The following BCAS3 variants were observed in gnomAD, a reference collection of about 807,000 sequenced individuals.
The protein encoded by BCAS3 is BCAS3 microtubule associated cell migration factor.
Under a neutral mutation model 116.1 loss-of-function variants are expected in BCAS3, and 53 were observed. The observed-to-expected ratio is 0.46, with a 90% confidence interval of 0.37 to 0.57. The LOEUF (loss-of-function observed/expected upper bound fraction) is 0.57. Ranked by LOEUF, BCAS3 falls within the 20% of genes least tolerant of loss-of-function variation. The pLI is 0.00. For synonymous variants in BCAS3, 391 were observed against 408.2 expected (o/e 0.96, Z 0.51); for missense variants, 917 against 1,165.4 (o/e 0.79, Z 3.10).
intron 6 of BCAS3, among the ~76,000 whole-genome samples, chr17:60,766,103 T>C (rs2044067284): frequency 6.6e-6 from 1 of 152,146 alleles, no homozygotes. Flanking sequence ...TTTTTCAAGG[T>C]TTTTAGCTTC....
At chr17:61,135,183 G>T (rs942108715) in intron 22 of BCAS3, among the ~76,000 whole-genome samples, 3 of 152,146 alleles carry the variant, frequency 2.0e-5, no homozygotes, top group African/African-American at 7.2e-5. Flanking sequence ...AAATGGTACA[G>T]ACTTGGTTTC....
intron 19 of BCAS3, among the ~76,000 whole-genome samples, chr17:61,049,793 C>T (rs1183398918): frequency 1.3e-4 from 19 of 142,426 alleles, no homozygotes; most frequent in Non-Finnish European, 2.7e-4. Context: ...AGTGCAATGG[C>T]GTGATCTCAG....
Position 61,309,242 on chromosome 17 carries a change from A to G in BCAS3, c.2426-59085A>G, listed in dbSNP as rs2054101017. Reference sequence around the variant, plus strand: ...AGATAACTCTCTACGTGATTTGCAAACACCTCAAAATTGTCAAGATGGAAA... The same window carrying G: ...AGATAACTCTCTACGTGATTTGCAAGCACCTCAAAATTGTCAAGATGGAAA... On this transcript the variant is annotated intron_variant, in intron 22 of 23. Transcript: ENST00000407086. The surrounding 1 kb of genome is among the most constrained non-coding windows in gnomAD (Gnocchi z 4.6). Among the ~76,000 whole-genome samples the G allele has an allele frequency of 6.6e-6, 1 of 152,166 alleles. No individual in the cohort carries two copies. The highest frequency in any genetic ancestry group is 1.5e-5 in the Non-Finnish European group (1 of 68,024).
rs2055609437 is a variant in BCAS3 at position 61,324,975 on chromosome 17, A to G, written c.2426-43352A>G. 6.6e-6 allele frequency among the ~76,000 whole-genome samples: 1 copy of G among 152,228 alleles called. No individual in the cohort carries two copies. Among genetic ancestry groups the G allele is most frequent in the African/African-American group, 2.4e-5 (1 of 41,458 alleles). Reference sequence around the variant, plus strand: ...AGGAGAAAGAGGAAACAGTTTAAAAATTAAGTTAGAGAGTTCTTGCAAAGG... The same window carrying G: ...AGGAGAAAGAGGAAACAGTTTAAAAGTTAAGTTAGAGAGTTCTTGCAAAGG... On this transcript the variant is annotated intron_variant, in intron 22 of 23. Transcript: ENST00000407086. This position sits in a 1 kb window ranked among gnomAD's most constrained non-coding sequence, Gnocchi z 4.6.
intron 14 of BCAS3, among the ~76,000 whole-genome samples, chr17:60,977,153 C>T (rs1322285706): frequency 6.6e-6 from 1 of 152,032 alleles, no homozygotes; most frequent in Admixed American, 6.5e-5. Context: ...GCGGGGGCTG[C>T]CCCCCACGAA....
chr17:60,726,510 ATT>A (rs1157371227), intron 5 of BCAS3, among the ~76,000 whole-genome samples: 47 of 129,562 alleles, frequency 3.6e-4, no homozygotes, highest in African/African-American at 6.3e-4. Context: ...AGAGGGAGGA[ATT>A]TTTTTTTTTT....
intron 22 of BCAS3, among the ~76,000 whole-genome samples, chr17:61,250,123 C>T (rs554631644): frequency 6.6e-6 from 1 of 152,186 alleles, no homozygotes; most frequent in Non-Finnish European, 1.5e-5. Flanking sequence ...AAGTTCATAC[C>T]CTGGGCCCAG....
chr17:60,979,669 C>T (rs929014447), intron 14 of BCAS3, among the ~76,000 whole-genome samples: 9 of 151,380 alleles, frequency 5.9e-5, no homozygotes, highest in Non-Finnish European at 1.2e-4. Flanking sequence ...AAATACGTCC[C>T]ATCAATACCT....
intron 22 of BCAS3, among the ~76,000 whole-genome samples, chr17:61,312,192 C>T (rs1290416131): frequency 1.3e-5 from 2 of 152,112 alleles, no homozygotes; most frequent in East Asian, 3.9e-4. Flanking sequence ...TCCAACTCTC[C>T]ATAAGCAAGT....
At chr17:60,736,548 C>T (rs886818241) in intron 5 of BCAS3, among the ~76,000 whole-genome samples, 3 of 151,946 alleles carry the variant, frequency 2.0e-5, no homozygotes, top group African/African-American at 7.2e-5. Context: ...ATTTAGGAAG[C>T]ATTCTATATG....
intron 7 of BCAS3, among the ~76,000 whole-genome samples, chr17:60,809,494 G>GGGTTGGTT (rs755311925): frequency 6.6e-6 from 1 of 152,110 alleles, no homozygotes; most frequent in South Asian, 2.1e-4. Context: ...CCCTCTTCCA[G>GGGTTGGTT]GGTTGGTTGG....
intron 2 of BCAS3, among the ~76,000 whole-genome samples, chr17:60,680,856 A>G (rs1382433819): frequency 1.3e-5 from 2 of 152,150 alleles, no homozygotes; most frequent in Non-Finnish European, 2.9e-5. Context: ...CCATTTGGCC[A>G]GGCTGGTCTT....
rs1480596866 is a variant in BCAS3, at chr17:61,044,462, A to AT, written c.2029+3570_2029+3571insT. On this transcript the variant is annotated intron_variant, in intron 19 of 23. Coordinates refer to ENST00000407086, the MANE Select transcript of BCAS3 (RefSeq NM_017679.5). ...ACTCTGTCTCAAAAAAAAAAAAAAA[A>AT]AAAATATATATATATATGCCATAAG... Among the ~76,000 whole-genome samples, 51 of 139,338 alleles carry AT rather than the reference A, an allele frequency of 3.7e-4. 1 individual carries two copies. The highest frequency in any genetic ancestry group is 4.5e-4 in the Non-Finnish European group (29 of 65,042). The allele number at this position is 139,338 out of a possible 152,430, so 91.4% of individuals were successfully genotyped here.
rs935405687 is a variant in BCAS3 at position 61,084,279 on chromosome 17, G to A, written c.2328-188G>A. 6.6e-6 allele frequency among the ~76,000 whole-genome samples: 1 copy of A among 152,176 alleles called. No homozygotes were observed. Among genetic ancestry groups the A allele is most frequent in the Non-Finnish European group, 1.5e-5 (1 of 68,036 alleles). On this transcript the variant is annotated intron_variant, in intron 21 of 23. Coordinates refer to ENST00000407086, the MANE Select transcript of BCAS3 (RefSeq NM_017679.5). The surrounding 1 kb of genome is among the most constrained non-coding windows in gnomAD (Gnocchi z 5.5). ...TAAGTTAGAAGGGGTCCAGAGTGTA[G>A]AGAATATTTGTAGTGTTTTATCCTT...
rs1193873197 is a variant in BCAS3, at chr17:61,337,898, G to T, written c.2426-30429G>T. 1.3e-5 allele frequency among the ~76,000 whole-genome samples: 2 copies of T among 152,126 alleles called. No individual in the cohort carries two copies. Among genetic ancestry groups the T allele is most frequent in the Non-Finnish European group, 2.9e-5 (2 of 68,038 alleles). On this transcript the variant is annotated intron_variant, in intron 22 of 23. Coordinates refer to ENST00000407086, the MANE Select transcript of BCAS3 (RefSeq NM_017679.5). This position sits in a 1 kb window ranked among gnomAD's most constrained non-coding sequence, Gnocchi z 4.8. ...AGTTCTATCCCATTTTATAGTTGAG[G>T]AAACCAAGGCTCGGTGAGGTAAAGC...
At chr17:60,851,881 A>T in intron 7 of BCAS3, 1 of 1,440,460 alleles carries the variant, frequency 6.9e-7, no homozygotes, top group South Asian at 1.2e-5. Context: ...ATCTCACCTC[A>T]TCCCATTTTT....
chr17:61,002,515 A>G (rs1354569692), intron 15 of BCAS3: 2 of 152,172 alleles, frequency 1.3e-5, no homozygotes, highest in Admixed American at 6.5e-5. Flanking sequence ...CTGAGGTACT[A>G]GGGATGTTAA....
At chr17:60,822,789 C>T (rs1346082362) in intron 7 of BCAS3, among the ~76,000 whole-genome samples, 4 of 152,196 alleles carry the variant, frequency 2.6e-5, no homozygotes, top group African/African-American at 9.6e-5. Flanking sequence ...CTTTGTGAGA[C>T]TTGCTTTAAC....
At chr17:61,086,765 G>A (rs893730711) in intron 22 of BCAS3, 3 of 985,204 alleles carry the variant, frequency 3.0e-6, no homozygotes, top group South Asian at 9.4e-5. Context: ...AAACATGTGT[G>A]CTGCCTTCTT....
Sources: gnomAD v4.1 joint callset for allele counts (sites outside exome capture counted in the v4.1 genomes callset) on GRCh38, gnomAD v4.1.1 for gene constraint, Gnocchi (gnomAD v3.1) non-coding constraint, MANE v1.5 for transcripts, NCBI Gene and HGNC (gene_info 2026-07-23, HGNC 2026-07-21) for gene names.